SCFD2: variants seen among roughly 807,000 people sequenced by gnomAD.
SCFD2 encodes the protein sec1 family domain-containing protein 2.
SCFD2 carries 54 observed loss-of-function variants against 58.9 expected under a neutral mutation model. The observed-to-expected ratio is 0.92, with a 90% CI of 0.74 to 1.15. The LOEUF (loss-of-function observed/expected upper bound fraction) is 1.15, where lower values mean the gene tolerates loss of function less well. Ranked by LOEUF, SCFD2 falls within the 50% of genes most tolerant of loss-of-function variation. The probability of loss-of-function intolerance (pLI) is 0.00; values close to 1 mark genes in which losing one functional copy is unlikely to be tolerated. For missense variants in SCFD2, 805 were observed against 836.6 expected, an observed-to-expected ratio of 0.96 and a Z score of 0.47; for synonymous variants, 321 against 335.9, an observed-to-expected ratio of 0.96 and a Z score of 0.49.
intron 5 of SCFD2, among the ~76,000 whole-genome samples, chr4:53,095,009 T>C (rs1724577653): frequency 6.6e-6 from 1 of 152,186 alleles, no homozygotes; most frequent in African/African-American, 2.4e-5. Context: ...TAAAGACACA[T>C]ATTCTATTAG....
At chr4:53,106,804 A>G (rs943055088) in intron 5 of SCFD2, among the ~76,000 whole-genome samples, 4 of 152,230 alleles carry the variant, frequency 2.6e-5, no homozygotes, top group African/African-American at 9.6e-5. Flanking sequence ...AACACTGTTC[A>G]GGATATTATC....
chr4:52,941,355 A>T (rs1295034073), intron 5 of SCFD2, among the ~76,000 whole-genome samples: 1 of 152,214 alleles, frequency 6.6e-6, no homozygotes, highest in Non-Finnish European at 1.5e-5. Flanking sequence ...ATATAAACAA[A>T]GCCGTGCATG....
intron 5 of SCFD2, among the ~76,000 whole-genome samples, chr4:53,008,915 G>T (rs968087364): frequency 1.3e-5 from 2 of 152,148 alleles, no homozygotes; most frequent in African/African-American, 4.8e-5. Flanking sequence ...TTTCTTCTAT[G>T]TACTTTTCTC....
At chr4:53,006,243 A>C (rs996386467) in intron 5 of SCFD2, among the ~76,000 whole-genome samples, 4 of 152,128 alleles carry the variant, frequency 2.6e-5, no homozygotes, top group African/African-American at 9.7e-5. Flanking sequence ...ACTCATGTCC[A>C]TCACCAGCAA....
chr4:53,336,703 C>T (rs750431245), intron 2 of SCFD2, among the ~76,000 whole-genome samples: 21 of 152,122 alleles, frequency 1.4e-4, no homozygotes, highest in East Asian at 7.7e-4. Context: ...TTTTTAGAGA[C>T]GGAGTCTTGG....
At chr4:53,008,687 G>GA (rs902004945) in intron 5 of SCFD2, among the ~76,000 whole-genome samples, 1 of 151,712 alleles carries the variant, frequency 6.6e-6, no homozygotes, top group African/African-American at 2.4e-5. Context: ...GCTTTCTAGA[G>GA]AAAAAAAAGC....
rs146849371 is a variant in SCFD2, at chr4:53,119,538, T to C, written c.1561+25795A>G. Among the ~76,000 whole-genome samples the C allele has an allele frequency of 6.0e-3, 914 of 152,182 alleles. 5 individuals are homozygous for C. The highest frequency in any genetic ancestry group is 0.031 in the Middle Eastern group (9 of 294). Reference sequence around the variant, plus strand: ...TGCCCAAAGTAAGTAAGGGAGTGGATCAGAGGAAGAGATGGTAATAAAGCC... The same window carrying C: ...TGCCCAAAGTAAGTAAGGGAGTGGACCAGAGGAAGAGATGGTAATAAAGCC... On this transcript the variant is annotated intron_variant, in intron 5 of 8. Coordinates refer to ENST00000401642, the MANE Select transcript of SCFD2 (RefSeq NM_152540.4).
intron 2 of SCFD2, among the ~76,000 whole-genome samples, chr4:53,336,586 G>A (rs1198610635): frequency 6.6e-6 from 1 of 151,956 alleles, no homozygotes; most frequent in Non-Finnish European, 1.5e-5. Context: ...ATACAGTGGT[G>A]CAATCATGGC....
At chr4:53,339,368 A>G (rs1343032175) in intron 2 of SCFD2, among the ~76,000 whole-genome samples, 1 of 150,448 alleles carries the variant, frequency 6.6e-6, no homozygotes, top group Non-Finnish European at 1.5e-5. Context: ...ATTACATATT[A>G]TATATATGTA....
At chr4:53,104,288 T>A in intron 5 of SCFD2, among the ~76,000 whole-genome samples, 1 of 152,198 alleles carries the variant, frequency 6.6e-6, no homozygotes, top group East Asian at 1.9e-4. Flanking sequence ...AATGACACTT[T>A]ACCTCTGCAG....
chr4:53,302,513 T>C (rs1305620960), intron 3 of SCFD2, among the ~76,000 whole-genome samples: 2 of 152,100 alleles, frequency 1.3e-5, no homozygotes, highest in Non-Finnish European at 1.5e-5. Context: ...ATCATGAAAA[T>C]GGCCATACTG....
chr4:53,096,265 T>C (rs1724629843), intron 5 of SCFD2, among the ~76,000 whole-genome samples: 1 of 152,232 alleles, frequency 6.6e-6, no homozygotes, highest in Non-Finnish European at 1.5e-5. Flanking sequence ...ATGGTATTTC[T>C]AGTTCTAGAT....
At chr4:53,362,922 A>G (rs577948865) in intron 1 of SCFD2, among the ~76,000 whole-genome samples, 2 of 152,164 alleles carry the variant, frequency 1.3e-5, no homozygotes, top group Non-Finnish European at 2.9e-5. Flanking sequence ...GGAAAAAGAC[A>G]TGGGTACAGA....
intron 4 of SCFD2, among the ~76,000 whole-genome samples, chr4:53,179,778 T>C (rs544485312): frequency 3.3e-5 from 5 of 152,156 alleles, no homozygotes; most frequent in South Asian, 4.2e-4. Context: ...GAGACACACA[T>C]AGGCTCAAAA....
chr4:52,910,754 T>C (rs890891822), intron 6 of SCFD2, among the ~76,000 whole-genome samples: 21 of 152,004 alleles, frequency 1.4e-4, no homozygotes, highest in African/African-American at 4.8e-4. Context: ...TGGTGGGAGG[T>C]AGTTTAGTCA....
At chr4:53,162,853 A>G (rs1050025188) in intron 4 of SCFD2, among the ~76,000 whole-genome samples, 3 of 150,984 alleles carry the variant, frequency 2.0e-5, no homozygotes. Context: ...GTATAATAAT[A>G]ATAAAATAAA....
At chr4:53,334,494 C>T (rs573222919) in intron 2 of SCFD2, among the ~76,000 whole-genome samples, 95 of 148,194 alleles carry the variant, frequency 6.4e-4, no homozygotes, top group African/African-American at 2.2e-3. Context: ...AGTAAACTAT[C>T]GCAAGAACAA....
chr4:53,151,509 G>A (rs1393541098), intron 4 of SCFD2, among the ~76,000 whole-genome samples: 1 of 152,114 alleles, frequency 6.6e-6, no homozygotes, highest in Non-Finnish European at 1.5e-5. Flanking sequence ...CAATTAAAAT[G>A]CCACTGCAAA....
chr4:53,281,979 T>C (rs935475924), intron 3 of SCFD2, among the ~76,000 whole-genome samples: 1 of 152,236 alleles, frequency 6.6e-6, no homozygotes, highest in African/African-American at 2.4e-5. Context: ...TAAACTATTA[T>C]GTGCTTTTTC....
Sources: gnomAD v4.1 joint callset for allele counts (sites outside exome capture counted in the v4.1 genomes callset) on GRCh38, gnomAD v4.1.1 for gene constraint, MANE v1.5 for transcripts, NCBI Gene and HGNC (gene_info 2026-07-23, HGNC 2026-07-21) for gene names.